Variants in CDH13 observed in about 807,000 individuals in gnomAD.
CDH13 encodes the protein cadherin-13.
Under a neutral mutation model 63.8 loss-of-function variants are expected in CDH13, and 24 were observed. The observed-to-expected ratio is 0.38, with a 90% CI of 0.27 to 0.53. The LOEUF (loss-of-function observed/expected upper bound fraction) is 0.53. Among genes scored for constraint, CDH13 ranks in the 20% least tolerant of loss-of-function variants. The probability of loss-of-function intolerance (pLI) is 0.85; values close to 1 mark genes in which losing one functional copy is unlikely to be tolerated. For missense variants in CDH13, 1,049 were observed against 903.1 expected (o/e 1.16, Z -2.07); for synonymous variants, 503 against 355.3 (o/e 1.42, Z -4.67).
intron 8 of CDH13, among the ~76,000 whole-genome samples, chr16:83,611,123 C>CTTAAAAA (rs1908821067): frequency 2.6e-5 from 4 of 152,070 alleles, no homozygotes; most frequent in Non-Finnish European, 5.9e-5. Context: ...AGTCTTTCAA[C>CTTAAAAA]CATTTTTTAA....
intron 4 of CDH13, among the ~76,000 whole-genome samples, chr16:83,152,984 C>T (rs1024220919): frequency 6.6e-6 from 1 of 152,160 alleles, no homozygotes; most frequent in African/African-American, 2.4e-5. Flanking sequence ...CAAGAACAGA[C>T]AGTAACCACC....
intron 5 of CDH13, among the ~76,000 whole-genome samples, chr16:83,270,768 T>C (rs2088779257): frequency 6.6e-6 from 1 of 152,076 alleles, no homozygotes; most frequent in South Asian, 2.1e-4. Context: ...TATTTACACA[T>C]CATTTACATT....
rs145608281 is a variant in CDH13, at chr16:83,384,177, T to A, written c.781+39171T>A. ...GTTTTTCTAGCCCTCCTACCTTTCG[T>A]GTTTATCAATACCTTCTGCAACAGT... is the stretch of plus-strand genomic sequence containing the variant. On this transcript the variant is annotated intron_variant, in intron 6 of 13. Transcript: ENST00000567109. 1.7e-3 allele frequency among the ~76,000 whole-genome samples: 253 copies of A among 152,292 alleles called. 3 individuals carry two copies. The highest frequency in any genetic ancestry group is 5.5e-3 in the African/African-American group (228 of 41,558).
intron 5 of CDH13, among the ~76,000 whole-genome samples, chr16:83,302,187 A>G (rs1284827152): frequency 1.3e-5 from 2 of 152,250 alleles, no homozygotes; most frequent in Admixed American, 6.5e-5. Context: ...TCATGACATC[A>G]TAGAAAATGT....
chr16:82,921,775 A>T (rs886746460), intron 2 of CDH13, among the ~76,000 whole-genome samples: 1 of 152,122 alleles, frequency 6.6e-6, no homozygotes. Context: ...ATGAGTTGGG[A>T]AGTGTTCTCT....
intron 2 of CDH13, among the ~76,000 whole-genome samples, chr16:82,864,791 A>T (rs931183774): frequency 2.0e-5 from 3 of 152,168 alleles, no homozygotes; most frequent in African/African-American, 7.2e-5. Context: ...CAGTTCCCGA[A>T]AGTCTTAATT....
At chr16:82,759,793 G>C (rs1466043422) in intron 1 of CDH13, among the ~76,000 whole-genome samples, 2 of 152,006 alleles carry the variant, frequency 1.3e-5, no homozygotes, top group African/African-American at 4.8e-5. Context: ...CAAATCCTCT[G>C]TCTTAGAAGT....
At chr16:82,648,282 A>G (rs1364026956) in intron 1 of CDH13, among the ~76,000 whole-genome samples, 1 of 152,224 alleles carries the variant, frequency 6.6e-6, no homozygotes, top group African/African-American at 2.4e-5. Context: ...GAAAATATGT[A>G]CAAAATACAT....
At chr16:82,657,900 C>T (rs1007514166) in intron 1 of CDH13, among the ~76,000 whole-genome samples, 1 of 152,120 alleles carries the variant, frequency 6.6e-6, no homozygotes, top group Non-Finnish European at 1.5e-5. Context: ...ATCACTATAC[C>T]TTTGTTTTCT....
At chr16:83,756,965 A>T (rs911231121) in intron 11 of CDH13, among the ~76,000 whole-genome samples, 2 of 152,226 alleles carry the variant, frequency 1.3e-5, no homozygotes, top group African/African-American at 4.8e-5. Context: ...TGAACTCAAC[A>T]ACTGAGTTCA....
At chr16:83,305,722 C>A (rs1010404923) in intron 5 of CDH13, among the ~76,000 whole-genome samples, 1 of 152,058 alleles carries the variant, frequency 6.6e-6, no homozygotes, top group African/African-American at 2.4e-5. Flanking sequence ...AAATGATGTT[C>A]CATTTTCTTT....
intron 3 of CDH13, among the ~76,000 whole-genome samples, chr16:83,112,629 C>T (rs907763896): frequency 1.3e-5 from 2 of 152,024 alleles, no homozygotes; most frequent in East Asian, 1.9e-4. Context: ...ATAGTAAATA[C>T]CTGAGTGTAT....
intron 6 of CDH13, among the ~76,000 whole-genome samples, chr16:83,423,265 C>T (rs1567662319): frequency 6.6e-6 from 1 of 152,146 alleles, no homozygotes; most frequent in South Asian, 2.1e-4. Context: ...GACATGTCAA[C>T]ACTCACCCAA....
At chr16:83,617,860 G>C (rs922470282) in intron 8 of CDH13, among the ~76,000 whole-genome samples, 29 of 151,596 alleles carry the variant, frequency 1.9e-4, no homozygotes, top group African/African-American at 6.1e-4. Flanking sequence ...GTCCTAATAC[G>C]TACATATTCT....
At chr16:83,493,204 T>A (rs2074058787) in intron 7 of CDH13, among the ~76,000 whole-genome samples, 1 of 152,218 alleles carries the variant, frequency 6.6e-6, no homozygotes, top group Non-Finnish European at 1.5e-5. Context: ...TAGTTGGTAT[T>A]AGATGTTTCC....
intron 5 of CDH13, among the ~76,000 whole-genome samples, chr16:83,248,607 G>A (rs554035406): frequency 5.3e-5 from 8 of 152,188 alleles, no homozygotes; most frequent in East Asian, 3.9e-4. Flanking sequence ...TCCTGGTTCC[G>A]TTTCTGTCTC....
At position 82,632,390 on chromosome 16, in the gene CDH13, T is replaced by A. The variant is rs942570825; in HGVS notation, c.45+5253T>A. 2.0e-5 allele frequency among the ~76,000 whole-genome samples: 3 copies of A among 152,198 alleles called. No homozygotes were observed. The East Asian group carries it at 5.8e-4, about 29-fold the overall frequency. On this transcript the variant is annotated intron_variant, in intron 1 of 13. Transcript: ENST00000567109. ...CATTGATGTGTGCTTTGGAACAGCA[T>A]GACCAAGGGGACTGCAGCCCCTCCC...
intron 2 of CDH13, among the ~76,000 whole-genome samples, chr16:82,999,817 A>T (rs1912666949): frequency 6.6e-6 from 1 of 152,168 alleles, no homozygotes; most frequent in Admixed American, 6.5e-5. Flanking sequence ...GAGGCTAATG[A>T]CGCTGCCTCT....
intron 3 of CDH13, among the ~76,000 whole-genome samples, chr16:83,112,669 C>T (rs1490599268): frequency 6.6e-6 from 1 of 152,104 alleles, no homozygotes; most frequent in Non-Finnish European, 1.5e-5. Flanking sequence ...TATTTCTCTG[C>T]ACTGTGTTCC....
Sources: gnomAD v4.1 joint callset for allele counts (sites outside exome capture counted in the v4.1 genomes callset) on GRCh38, gnomAD v4.1.1 for gene constraint, MANE v1.5 for transcripts, NCBI Gene and HGNC (gene_info 2026-07-23, HGNC 2026-07-21) for gene names.